PCGF5: variants seen among roughly 807,000 people sequenced by gnomAD.
The protein encoded by PCGF5 is polycomb group ring finger 5, also known as polycomb group RING finger protein 5.
PCGF5 carries 9 observed loss-of-function variants against 44.3 expected under a neutral mutation model. The observed-to-expected ratio is 0.20, with a 90% CI of 0.12 to 0.35. PCGF5 has a LOEUF of 0.35. Among genes scored for constraint, PCGF5 ranks in the 10% least tolerant of loss-of-function variants. The pLI is 1.00. For synonymous variants in PCGF5, 95 were observed against 102.5 expected, an observed-to-expected ratio of 0.93 and a Z score of 0.44; for missense variants, 146 against 305.3, an observed-to-expected ratio of 0.48 and a Z score of 3.89.
upstream of PCGF5, among the ~76,000 whole-genome samples, chr10:91,218,625 A>G (rs1345104354): frequency 6.6e-6 from 1 of 152,022 alleles, no homozygotes; most frequent in Non-Finnish European, 1.5e-5. Flanking sequence ...TACTTTTGTT[A>G]TTATTCTTAT....
intron 1 of PCGF5, among the ~76,000 whole-genome samples, chr10:91,182,275 G>A (rs1843832824): frequency 6.6e-6 from 1 of 151,870 alleles, no homozygotes; most frequent in Non-Finnish European, 1.5e-5. Flanking sequence ...TTTCTTCCTG[G>A]TTCAGTCTTC....
At chr10:91,275,295 C>T (rs1175526293) in intron 9 of PCGF5, among the ~76,000 whole-genome samples, 1 of 147,252 alleles carries the variant, frequency 6.8e-6, no homozygotes, top group East Asian at 2.0e-4. Flanking sequence ...ACTTTCTTAG[C>T]AGTCAAGAAA....
intron 2 of PCGF5, among the ~76,000 whole-genome samples, chr10:91,238,530 A>G (rs1428844898): frequency 6.6e-6 from 1 of 151,708 alleles, no homozygotes; most frequent in East Asian, 1.9e-4. Flanking sequence ...TTTGAACTAC[A>G]AAGATCAGAG....
At chr10:91,252,575 G>A (rs542705041) in intron 6 of PCGF5, among the ~76,000 whole-genome samples, 2 of 152,062 alleles carry the variant, frequency 1.3e-5, no homozygotes, top group East Asian at 3.9e-4. Context: ...TATTGGACAG[G>A]GCATGTAATA....
intron 1 of PCGF5, among the ~76,000 whole-genome samples, chr10:91,212,894 T>C (rs963291571): frequency 6.6e-6 from 1 of 152,246 alleles, no homozygotes; most frequent in African/African-American, 2.4e-5. Flanking sequence ...TAAGTTGTGC[T>C]TCAGACTCAT....
At chr10:91,238,005 A>C (rs1845214759) in intron 2 of PCGF5, among the ~76,000 whole-genome samples, 1 of 152,358 alleles carries the variant, frequency 6.6e-6, no homozygotes, top group Middle Eastern at 3.4e-3. Context: ...CACACTAAAA[A>C]AGAAACAAGT....
intron 2 of PCGF5, among the ~76,000 whole-genome samples, chr10:91,229,612 T>G (rs935507581): frequency 5.9e-5 from 9 of 152,176 alleles, no homozygotes; most frequent in Non-Finnish European, 1.2e-4. Flanking sequence ...TTCTAAAAAT[T>G]TTTAAGCAAC....
At chr10:91,158,183 G>T (rs1281902797), upstream of PCGF5, among the ~76,000 whole-genome samples, 1 of 152,174 alleles carries the variant, frequency 6.6e-6, no homozygotes, top group Non-Finnish European at 1.5e-5. Flanking sequence ...ATTTATAGGA[G>T]AGATAAGCTT....
intron 2 of PCGF5, among the ~76,000 whole-genome samples, chr10:91,233,072 G>A (rs911029264): frequency 1.3e-5 from 2 of 152,168 alleles, no homozygotes; most frequent in African/African-American, 4.8e-5. Context: ...GACCAAAGAA[G>A]AGAGGGGAAG....
chr10:91,261,205 CACAAT>C (rs1274075758), intron 6 of PCGF5, 116 bp from the exon 7 acceptor site: 1 of 1,215,106 alleles, frequency 8.2e-7, no homozygotes, highest in Non-Finnish European at 1.1e-6. Context: ...GAAATGTTTT[CACAAT>C]ACATTTTAAA....
upstream of PCGF5, among the ~76,000 whole-genome samples, chr10:91,161,014 C>A (rs771964594): frequency 2.0e-5 from 3 of 152,208 alleles, no homozygotes; most frequent in Admixed American, 6.5e-5. Flanking sequence ...CTGCTTTCCA[C>A]CACTGGGTGG....
At chr10:91,247,223 G>A (rs1361651373) in intron 3 of PCGF5, among the ~76,000 whole-genome samples, 1 of 151,856 alleles carries the variant, frequency 6.6e-6, no homozygotes, top group Non-Finnish European at 1.5e-5. Context: ...GAGGCAGGCA[G>A]TGTTAGACAA....
chr10:91,191,599 G>A (rs927436967), intron 1 of PCGF5, among the ~76,000 whole-genome samples: 1 of 152,152 alleles, frequency 6.6e-6, no homozygotes, highest in Admixed American at 6.5e-5. Flanking sequence ...AGACACAATT[G>A]TGTTTTACCC....
chr10:91,264,854 A>T (rs891038388), intron 8 of PCGF5, among the ~76,000 whole-genome samples: 12 of 152,136 alleles, frequency 7.9e-5, no homozygotes, highest in African/African-American at 2.9e-4. Flanking sequence ...AGTGGGGGAA[A>T]CTTAAGTTCT....
At chr10:91,253,986 G>A (rs1589398944) in intron 6 of PCGF5, among the ~76,000 whole-genome samples, 1 of 151,980 alleles carries the variant, frequency 6.6e-6, no homozygotes, top group East Asian at 1.9e-4. Flanking sequence ...TTTGGCCTGA[G>A]GACATGGTCA....
intron 2 of PCGF5, among the ~76,000 whole-genome samples, chr10:91,226,352 T>C (rs1229444904): frequency 7.4e-6 from 1 of 134,728 alleles, no homozygotes; most frequent in Non-Finnish European, 1.6e-5. Context: ...GACTATGATA[T>C]AATAGCAGAT....
At chr10:91,160,495 T>C (rs1843363592), upstream of PCGF5, among the ~76,000 whole-genome samples, 1 of 152,168 alleles carries the variant, frequency 6.6e-6, no homozygotes, top group African/African-American at 2.4e-5. Context: ...TTGTAAAATA[T>C]CTACTACACT....
intron 8 of PCGF5, among the ~76,000 whole-genome samples, chr10:91,266,966 C>T (rs2133434653): frequency 1.3e-5 from 2 of 152,300 alleles, no homozygotes; most frequent in Middle Eastern, 6.8e-3. Context: ...CAGCGTGATC[C>T]TCTTAGGACA....
At chr10:91,192,469 A>G (rs1844050380) in intron 1 of PCGF5, among the ~76,000 whole-genome samples, 1 of 152,248 alleles carries the variant, frequency 6.6e-6, no homozygotes, top group South Asian at 2.1e-4. Flanking sequence ...GTATTTATCC[A>G]TCTTGCTCAT....
Sources: gnomAD v4.1 joint callset for allele counts (sites outside exome capture counted in the v4.1 genomes callset) on GRCh38, gnomAD v4.1.1 for gene constraint, MANE v1.5 for transcripts, NCBI Gene and HGNC (gene_info 2026-07-23, HGNC 2026-07-21) for gene names.